Variants in ENPP2 observed in about 807,000 individuals in gnomAD.
ENPP2 encodes the protein ectonucleotide pyrophosphatase/phosphodiesterase 2, also known as autotaxin.
ENPP2 carries 51 observed loss-of-function variants against 120.2 expected under a neutral mutation model. That is an observed-to-expected ratio of 0.42 (90% CI 0.34 to 0.54). The LOEUF (loss-of-function observed/expected upper bound fraction) is 0.54. Ranked by LOEUF, ENPP2 falls within the 20% of genes least tolerant of loss-of-function variation. The probability of loss-of-function intolerance (pLI) is 0.04; values close to 1 mark genes in which losing one functional copy is unlikely to be tolerated. For missense variants in ENPP2, 920 were observed against 1,066.5 expected, an observed-to-expected ratio of 0.86 and a Z score of 1.91; for synonymous variants, 365 against 366.4, an observed-to-expected ratio of 1.00 and a Z score of 0.04.
intron 24 of ENPP2, among the ~76,000 whole-genome samples, chr8:119,561,987 A>AG (rs1813992927): frequency 6.6e-6 from 1 of 152,002 alleles, no homozygotes; most frequent in Non-Finnish European, 1.5e-5. Context: ...AAATACAAAA[A>AG]TTAGCTGTGC....
At chr8:119,584,392 A>G (rs915096424) in intron 15 of ENPP2, among the ~76,000 whole-genome samples, 5 of 152,122 alleles carry the variant, frequency 3.3e-5, no homozygotes, top group Non-Finnish European at 5.9e-5. Context: ...CTCTAGGACC[A>G]TGTTTGTCTG....
At chr8:119,631,507 C>T (rs965673126) in intron 2 of ENPP2, among the ~76,000 whole-genome samples, 12 of 152,078 alleles carry the variant, frequency 7.9e-5, no homozygotes, top group Non-Finnish European at 1.5e-4. Flanking sequence ...TGAGCCACCA[C>T]GCCCAGTCTA....
chr8:119,596,046 C>A (rs1283972318), intron 11 of ENPP2: 1 of 1,574,298 alleles, frequency 6.4e-7, no homozygotes, highest in Admixed American at 1.7e-5. Flanking sequence ...AGTCGTCTGT[C>A]CCTCTGAGTC....
At chr8:119,673,006 A>G (rs1001506488) in intron 1 of ENPP2, among the ~76,000 whole-genome samples, 6 of 152,180 alleles carry the variant, frequency 3.9e-5, no homozygotes, top group Admixed American at 1.3e-4. Flanking sequence ...CTCGCTTTCC[A>G]GAAACCAGAG....
chr8:119,573,107 T>C (rs1476384604), intron 19 of ENPP2: 4 of 152,164 alleles, frequency 2.6e-5, no homozygotes, highest in Non-Finnish European at 5.9e-5. Flanking sequence ...GGCAGAGATA[T>C]CTTAAGATTC....
intron 1 of ENPP2, among the ~76,000 whole-genome samples, chr8:119,656,392 G>A (rs113167304): frequency 0.013 from 1,926 of 152,180 alleles, 26 homozygotes; most frequent in Admixed American, 0.021. Context: ...CTCTGTATTC[G>A]TTCCTCTCAC....
rs763519097 is a variant in ENPP2, at chr8:119,619,320, G to A, written c.419-16C>T. On this transcript the variant is annotated splice_polypyrimidine_tract_variant and intron_variant, in intron 4 of 24. Coordinates refer to ENST00000075322, the MANE Select transcript of ENPP2 (RefSeq NM_001040092.3). ...TGCGACTCTCCTATAAGGAAAAATG[G>A]GTAAATGTATTGTTGAATCTAATTA... 11 of 1,578,124 alleles carry A rather than the reference G, an allele frequency of 7.0e-6. No homozygotes were observed. The highest frequency in any genetic ancestry group is 6.7e-5 in the African/African-American group (5 of 74,086).
chr8:119,630,561 C>A (rs1164490734), intron 2 of ENPP2, among the ~76,000 whole-genome samples: 1 of 152,164 alleles, frequency 6.6e-6, no homozygotes, highest in Non-Finnish European at 1.5e-5. Flanking sequence ...TTGAATCTCA[C>A]TTAATAGTCG....
At chr8:119,668,429 CTTTTTTTTTT>C (rs5894492) in intron 1 of ENPP2, among the ~76,000 whole-genome samples, 4 of 110,548 alleles carry the variant, frequency 3.6e-5, no homozygotes, top group African/African-American at 1.4e-4. Flanking sequence ...TTTTCTTTTT[CTTTTTTTTTT>C]TTTTTTTTGA....
intron 11 of ENPP2, among the ~76,000 whole-genome samples, chr8:119,596,837 T>C (rs956957701): frequency 6.6e-6 from 1 of 152,210 alleles, no homozygotes; most frequent in African/African-American, 2.4e-5. Flanking sequence ...GGTTTTGTTT[T>C]GAAAATCCAG....
chr8:119,624,826 T>C (rs1048742886), intron 3 of ENPP2, among the ~76,000 whole-genome samples: 1 of 152,126 alleles, frequency 6.6e-6, no homozygotes. Context: ...CGCTGAAACA[T>C]TGTGGTTGTT....
intron 5 of ENPP2, among the ~76,000 whole-genome samples, chr8:119,618,691 T>A (rs1352387441): frequency 1.3e-5 from 2 of 151,928 alleles, no homozygotes; most frequent in East Asian, 3.9e-4. Flanking sequence ...AAGCGCTGGC[T>A]AATTTTTTTT....
intron 1 of ENPP2, among the ~76,000 whole-genome samples, chr8:119,645,528 A>G (rs1817418511): frequency 1.3e-5 from 2 of 152,168 alleles, no homozygotes; most frequent in Non-Finnish European, 2.9e-5. Context: ...GACACACATT[A>G]GAAGGTCCTC....
intron 22 of ENPP2, among the ~76,000 whole-genome samples, chr8:119,565,351 G>A (rs547041436): frequency 1.1e-4 from 17 of 152,174 alleles, no homozygotes; most frequent in East Asian, 7.7e-4. Context: ...CTTTCTTCTC[G>A]TCCTTCATAT....
At chr8:119,567,614 A>C (rs1052108024) in intron 22 of ENPP2, among the ~76,000 whole-genome samples, 11 of 152,208 alleles carry the variant, frequency 7.2e-5, no homozygotes, top group African/African-American at 2.2e-4. Flanking sequence ...AAATCATCTG[A>C]AATAAACACT....
In ENPP2 at chr8:119,626,587, A is replaced by C; in HGVS notation, c.270T>G (p.Phe90Leu). The C allele has an allele frequency of 6.2e-7, 1 of 1,614,058 alleles. No individual in the cohort carries two copies. Residue 90 changes from phenylalanine to leucine, a missense_variant, in exon 3 of 25, where the codon TTT (phenylalanine) becomes TTG (leucine). Coordinates refer to ENST00000075322, the MANE Select transcript of ENPP2 (RefSeq NM_001040092.3). ...CKSYTSCCHD[F>L]DELCLKTARG... is the part of the protein sequence containing the mutation. Reference sequence around the variant, plus strand: ...TACCTGTCTTCAAACACAGCTCATCAAAGTCATGGCAGCAACTGGTATAGC... The same window carrying C: ...TACCTGTCTTCAAACACAGCTCATCCAAGTCATGGCAGCAACTGGTATAGC...
intron 19 of ENPP2, chr8:119,571,447 G>A (rs1391480733): frequency 6.6e-6 from 1 of 152,154 alleles, no homozygotes. Flanking sequence ...ACAGAAGAGG[G>A]AAGTTCATCA....
intron 1 of ENPP2, among the ~76,000 whole-genome samples, chr8:119,660,789 C>T (rs1172801408): frequency 6.6e-6 from 1 of 152,120 alleles, no homozygotes; most frequent in Non-Finnish European, 1.5e-5. Context: ...CACAATGACT[C>T]AACTTGCTGT....
intron 1 of ENPP2, among the ~76,000 whole-genome samples, chr8:119,651,439 G>T (rs1817622847): frequency 6.6e-6 from 1 of 152,178 alleles, no homozygotes; most frequent in Non-Finnish European, 1.5e-5. Flanking sequence ...GAATAGATAT[G>T]AAAACAACTT....
Sources: allele counts gnomAD v4.1 joint callset (sites outside exome capture counted in the v4.1 genomes callset), GRCh38; gene constraint gnomAD v4.1.1; transcripts MANE v1.5; gene names NCBI Gene and HGNC (gene_info 2026-07-23, HGNC 2026-07-21).